TIAM1: variants seen among roughly 807,000 people sequenced by gnomAD.
TIAM1 encodes rho guanine nucleotide exchange factor TIAM1.
A neutral mutation model predicts 163.5 loss-of-function variants in TIAM1; 65 were observed. The observed-to-expected ratio is 0.40, with a 90% CI of 0.33 to 0.49. The LOEUF is 0.49. Among genes scored for constraint, TIAM1 ranks in the 20% least tolerant of loss-of-function variants. TIAM1 has a pLI of 0.77. For synonymous variants in TIAM1, 833 were observed against 810.1 expected, an observed-to-expected ratio of 1.03 and a Z score of -0.48; for missense variants, 1,789 against 2,044.7, an observed-to-expected ratio of 0.87 and a Z score of 2.41.
At chr21:31,539,318 T>G (rs2048243818) in intron 1 of TIAM1, among the ~76,000 whole-genome samples, 1 of 148,984 alleles carries the variant, frequency 6.7e-6, no homozygotes, top group South Asian at 2.1e-4. Flanking sequence ...CAGGCTGGAG[T>G]GCAGTGGCAC....
intron 1 of TIAM1, among the ~76,000 whole-genome samples, chr21:31,340,690 AAT>A (rs1486519330): frequency 6.6e-6 from 1 of 152,134 alleles, no homozygotes; most frequent in Non-Finnish European, 1.5e-5. Context: ...TGAGTAACTA[AAT>A]TTAACACACT....
chr21:31,450,209 C>T (rs1226549639), intron 2 of TIAM1, among the ~76,000 whole-genome samples: 9 of 152,152 alleles, frequency 5.9e-5, no homozygotes, highest in African/African-American at 1.9e-4. Context: ...CCTATCATAA[C>T]TGGAATCCTG....
chr21:31,311,211 T>C (rs908263292), intron 2 of TIAM1, among the ~76,000 whole-genome samples: 4 of 151,796 alleles, frequency 2.6e-5, no homozygotes, highest in African/African-American at 9.7e-5. Context: ...ATTGTCAAAA[T>C]TGCTAACTCA....
intron 6 of TIAM1, among the ~76,000 whole-genome samples, chr21:31,233,358 C>T (rs2088546665): frequency 6.6e-6 from 1 of 152,038 alleles, no homozygotes; most frequent in Non-Finnish European, 1.5e-5. Flanking sequence ...TGATTCTATA[C>T]TCATCATATT....
rs370171999 is a variant in TIAM1 at position 31,225,096 on chromosome 21, C to T, written c.1809+630G>A. ...GTGCAATGGCACAATCTTGGCCCAC[C>T]GCACCCTCTGCCTCCCAGGCTCAGG... On this transcript the variant is annotated intron_variant, in intron 7 of 27. Transcript: ENST00000541036. 1.2e-4 allele frequency among the ~76,000 whole-genome samples: 18 copies of T among 152,092 alleles called. No homozygotes were observed. In the South Asian group the frequency reaches 2.7e-3, roughly 23 times the overall value.
intron 1 of TIAM1, among the ~76,000 whole-genome samples, chr21:31,528,015 G>A (rs2047842957): frequency 6.6e-6 from 1 of 152,174 alleles, no homozygotes; most frequent in East Asian, 1.9e-4. Context: ...ATATAGCTGA[G>A]ATGGGAAGCC....
chr21:31,233,623 C>T (rs776721049), intron 6 of TIAM1, among the ~76,000 whole-genome samples: 14 of 152,062 alleles, frequency 9.2e-5, no homozygotes, highest in Non-Finnish European at 1.8e-4. Flanking sequence ...GAGAATTGCT[C>T]GAACCTGGGA....
intron 2 of TIAM1, among the ~76,000 whole-genome samples, chr21:31,329,854 T>C (rs2075622529): frequency 1.3e-5 from 2 of 152,164 alleles, no homozygotes; most frequent in African/African-American, 4.8e-5. Context: ...TCAATTTGGT[T>C]TGAATGTTGT....
intron 1 of TIAM1, among the ~76,000 whole-genome samples, chr21:31,483,452 T>C (rs1222071492): frequency 6.6e-6 from 1 of 152,160 alleles, no homozygotes; most frequent in Non-Finnish European, 1.5e-5. Context: ...AACTTTATTT[T>C]CAAACACATG....
rs188245058 is a variant in TIAM1 at position 31,473,083 on chromosome 21, G to T, written c.-421-9048C>A. ...ACAGAAAGATGCTGTGGAGTTTCAGGCATTTTCTGGGGTTTTCCCACTCTG... is the reference window on the plus strand; with the variant it reads ...ACAGAAAGATGCTGTGGAGTTTCAGTCATTTTCTGGGGTTTTCCCACTCTG... On this transcript the variant is annotated intron_variant, in intron 1 of 28. Transcript: ENST00000286827. Among the ~76,000 whole-genome samples, 6 of 152,210 alleles carry T rather than the reference G, an allele frequency of 3.9e-5. No individual in the cohort carries two copies. The East Asian group carries it at 1.2e-3, about 29-fold the overall frequency.
chr21:31,125,314 C>T (rs2073373), intron 26 of TIAM1, among the ~76,000 whole-genome samples: 96,831 of 151,848 alleles, frequency 0.64, 31,103 homozygotes, highest in East Asian at 0.72. Flanking sequence ...CTGGTATTCC[C>T]TATTAACAAT....
chr21:31,387,350 G>A (rs541724321), intron 2 of TIAM1, among the ~76,000 whole-genome samples: 15 of 151,576 alleles, frequency 9.9e-5, no homozygotes, highest in Admixed American at 1.3e-4. Flanking sequence ...AGCCTCCCGA[G>A]TAGCTGGGAT....
At chr21:31,475,297 A>T (rs898913469) in intron 1 of TIAM1, among the ~76,000 whole-genome samples, 3 of 151,626 alleles carry the variant, frequency 2.0e-5, no homozygotes, top group Admixed American at 1.3e-4. Flanking sequence ...CAAGTGATCC[A>T]CCCTCCTCAG....
intron 2 of TIAM1, among the ~76,000 whole-genome samples, chr21:31,369,961 G>T (rs1214851305): frequency 6.6e-6 from 1 of 152,136 alleles, no homozygotes; most frequent in Non-Finnish European, 1.5e-5. Context: ...CTCCAGCCTG[G>T]GGTAGGACTT....
intron 1 of TIAM1, among the ~76,000 whole-genome samples, chr21:31,487,423 T>C (rs542114189): frequency 2.0e-5 from 3 of 152,166 alleles, no homozygotes; most frequent in Middle Eastern, 3.2e-3. Context: ...CAGGCTGAAG[T>C]GCAGTGGTGC....
At position 31,266,682 on chromosome 21, in the gene TIAM1, G is replaced by C; in HGVS notation, c.291C>G (p.Gly97=). ...AGTCAGTGTAAGACACAGGTCTCAA[G>C]CCCATGTCCACTCGGTCCACCCAGA... ...SPIWVDRVDM[G]LRPVSYTDSS... The change falls in exon 4 of 28, where the codon GGC becomes GGG. Residue 97 remains glycine (G), a synonymous_variant. Coordinates refer to ENST00000541036, the MANE Select transcript of TIAM1 (RefSeq NM_001353694.2). 1 of 1,614,210 alleles carries C rather than the reference G, an allele frequency of 6.2e-7. No individual in the cohort carries two copies. The highest frequency in any genetic ancestry group is 8.5e-7 in the Non-Finnish European group (1 of 1,180,034).
rs1188397255 is a variant in TIAM1, at chr21:31,130,923, C to T, written c.3909G>A (p.Val1303=). ...AFVFKTAVVL[V]YKDGSKQKKK... is the part of the protein sequence containing the mutation. ...TCTTCTGTTTGGAACCATCTTTATA[C>T]ACAAGGACCACAGCAGTTTTGAAGA... is the stretch of plus-strand genomic sequence containing the variant. Residue 1303 remains valine, a synonymous_variant, in exon 24 of 28, where the codon GTG becomes GTA. Transcript: ENST00000541036. 1.9e-6 allele frequency: 3 copies of T among 1,613,872 alleles called. No homozygotes were observed. Among genetic ancestry groups the T allele is most frequent in the South Asian group, 1.1e-5 (1 of 91,088 alleles).
chr21:31,530,124 G>A (rs936294584), intron 1 of TIAM1, among the ~76,000 whole-genome samples: 1 of 152,182 alleles, frequency 6.6e-6, no homozygotes, highest in African/African-American at 2.4e-5. Flanking sequence ...CCCAGTTCCA[G>A]GCTACCGTCA....
rs373702154 is a variant in TIAM1, at chr21:31,327,643, C to CAAA, written c.-189+11597_-189+11599dup. On this transcript the variant is annotated intron_variant, in intron 2 of 27. Transcript: ENST00000541036. ...GCAACAGAGTGAAACGCCGCCATCT[C>CAAA]AAAAAAAAAAAAAAAAAAAGGAAAG... 1.4e-3 allele frequency among the ~76,000 whole-genome samples: 97 copies of CAAA among 69,420 alleles called. 1 individual carries two copies. Among genetic ancestry groups the CAAA allele is most frequent in the Non-Finnish European group, 1.8e-3 (69 of 38,880 alleles). 45.5% of individuals were successfully genotyped at this position (69,420 alleles called of 152,430 possible). A position where few individuals can be genotyped will look rare whatever the true frequency, so the allele number is the denominator to read the frequency against.
Sources: gnomAD v4.1 joint callset for allele counts (sites outside exome capture counted in the v4.1 genomes callset) on GRCh38, gnomAD v4.1.1 for gene constraint, MANE v1.5 for transcripts, NCBI Gene and HGNC (gene_info 2026-07-23, HGNC 2026-07-21) for gene names.